The following MYRIP variants were observed in gnomAD, a reference collection of about 807,000 sequenced individuals.
MYRIP encodes rab effector MyRIP.
MYRIP carries 49 observed loss-of-function variants against 98.0 expected under a neutral mutation model. That is an observed-to-expected ratio of 0.50 (90% CI 0.40 to 0.63). MYRIP has a LOEUF of 0.63. Among genes scored for constraint, MYRIP ranks in the 30% least tolerant of loss-of-function variants. MYRIP has a pLI of 0.00. For missense variants in MYRIP, 1,004 were observed against 1,058.2 expected (o/e 0.95, Z 0.71); for synonymous variants, 404 against 409.5 (o/e 0.99, Z 0.16).
At chr3:39,834,434 T>C (rs1209386670) in intron 1 of MYRIP, among the ~76,000 whole-genome samples, 2 of 152,194 alleles carry the variant, frequency 1.3e-5, no homozygotes, top group Non-Finnish European at 2.9e-5. Context: ...TCGATGTAAC[T>C]ATAAATAATG....
chr3:39,863,835 C>CACAACA (rs112996698), intron 1 of MYRIP, among the ~76,000 whole-genome samples: 1 of 151,714 alleles, frequency 6.6e-6, no homozygotes, highest in African/African-American at 2.4e-5. Flanking sequence ...CCAGCAGGGA[C>CACAACA]ACAACAACAA....
intron 2 of MYRIP, among the ~76,000 whole-genome samples, chr3:39,959,635 T>C (rs542940144): frequency 1.0e-3 from 153 of 151,278 alleles, no homozygotes; most frequent in Non-Finnish European, 1.4e-3. Flanking sequence ...AACAAACCTG[T>C]ACATTGTGCA....
intron 2 of MYRIP, among the ~76,000 whole-genome samples, chr3:39,974,220 T>A (rs1468967714): frequency 6.6e-6 from 1 of 151,974 alleles, no homozygotes; most frequent in African/African-American, 2.4e-5. Context: ...AAAGGGGATA[T>A]CACCACCGAT....
rs556936058 is a variant in MYRIP at position 40,074,546 on chromosome 3, G to T, written c.332+30275G>T. Among the ~76,000 whole-genome samples, 7 of 152,180 alleles carry T rather than the reference G, an allele frequency of 4.6e-5. No homozygotes were observed. The South Asian group carries it at 1.5e-3, about 32-fold the overall frequency. ...TACTAATATAAAAGAAGAACGAAAA[G>T]TGAACTAAGCCTCTAACTTAGTAAC... On this transcript the variant is annotated intron_variant, in intron 3 of 16. Transcript: ENST00000302541.
At chr3:40,061,311 A>G (rs1948009553) in intron 3 of MYRIP, among the ~76,000 whole-genome samples, 1 of 151,978 alleles carries the variant, frequency 6.6e-6, no homozygotes, top group Non-Finnish European at 1.5e-5. Context: ...TTTAGCTTCC[A>G]CCTATAAGTG....
intron 2 of MYRIP, among the ~76,000 whole-genome samples, chr3:39,981,514 G>T (rs755102830): frequency 7.9e-5 from 12 of 152,064 alleles, no homozygotes; most frequent in Non-Finnish European, 8.8e-5. Flanking sequence ...ATATGGGGAG[G>T]TCATCAAAAT....
At chr3:40,138,069 A>C (rs994856803) in intron 3 of MYRIP, among the ~76,000 whole-genome samples, 3 of 152,214 alleles carry the variant, frequency 2.0e-5, no homozygotes, top group African/African-American at 7.2e-5. Flanking sequence ...AATGGAGCAA[A>C]GTGGAAAGAC....
At chr3:39,831,642 A>C (rs1224494515) in intron 1 of MYRIP, among the ~76,000 whole-genome samples, 2 of 152,208 alleles carry the variant, frequency 1.3e-5, no homozygotes, top group Non-Finnish European at 2.9e-5. Flanking sequence ...TACTTGATTT[A>C]TATCTATATT....
chr3:40,255,461 T>A (rs1410512700), intron 16 of MYRIP, among the ~76,000 whole-genome samples: 1 of 152,188 alleles, frequency 6.6e-6, no homozygotes, highest in Non-Finnish European at 1.5e-5. Flanking sequence ...CCTCAATATG[T>A]TTTTTAAATA....
At chr3:39,942,759 C>A (rs377595073) in intron 2 of MYRIP, among the ~76,000 whole-genome samples, 8 of 152,156 alleles carry the variant, frequency 5.3e-5, no homozygotes, top group African/African-American at 1.9e-4. Context: ...CTGTCTTTTT[C>A]TGTCTACCTG....
intron 1 of MYRIP, among the ~76,000 whole-genome samples, chr3:39,842,359 C>T (rs978511733): frequency 2.0e-4 from 30 of 152,158 alleles, no homozygotes; most frequent in Non-Finnish European, 4.0e-4. Context: ...GTGCTGGCAG[C>T]GAGAATTTCA....
At chr3:39,994,179 CGGACAGTGGGTGCA>C (rs1370400705) in intron 2 of MYRIP, among the ~76,000 whole-genome samples, 5 of 152,170 alleles carry the variant, frequency 3.3e-5, no homozygotes, top group Admixed American at 1.3e-4. Flanking sequence ...TGGGGAGTGT[CGGACAGTGGGTGCA>C]GGACAGTGGG....
intron 12 of MYRIP, among the ~76,000 whole-genome samples, chr3:40,238,904 T>C (rs1952906654): frequency 6.6e-6 from 1 of 152,170 alleles, no homozygotes. Context: ...TTTTTTTATT[T>C]TTATTTTTAT....
At chr3:40,142,787 G>A (rs1379721104) in intron 3 of MYRIP, among the ~76,000 whole-genome samples, 2 of 152,170 alleles carry the variant, frequency 1.3e-5, no homozygotes, top group Non-Finnish European at 2.9e-5. Context: ...AAATAAGTCA[G>A]GGAAATCAAG....
chr3:39,949,846 C>T (rs1298799496), intron 2 of MYRIP, among the ~76,000 whole-genome samples: 2 of 152,132 alleles, frequency 1.3e-5, no homozygotes, highest in African/African-American at 4.8e-5. Flanking sequence ...TTTTATCTAT[C>T]TCCTGTCTTG....
chr3:39,880,755 TA>T (rs1235788931), intron 1 of MYRIP, among the ~76,000 whole-genome samples: 1 of 152,198 alleles, frequency 6.6e-6, no homozygotes, highest in African/African-American at 2.4e-5. Flanking sequence ...CAATAAATGG[TA>T]GCACATTTTG....
At chr3:39,936,209 T>C (rs6805751) in intron 2 of MYRIP, among the ~76,000 whole-genome samples, 1 of 151,776 alleles carries the variant, frequency 6.6e-6, no homozygotes, top group Non-Finnish European at 1.5e-5. Context: ...GTATACAGAG[T>C]GTTGGAAGTG....
intron 1 of MYRIP, among the ~76,000 whole-genome samples, chr3:39,890,703 A>AT (rs1449363959): frequency 6.0e-5 from 9 of 149,580 alleles, no homozygotes; most frequent in Admixed American, 1.3e-4. Context: ...AGAAAGGAGT[A>AT]TTTTTTGTTT....
At chr3:40,202,828 AC>A (rs1411701094) in intron 10 of MYRIP, among the ~76,000 whole-genome samples, 1 of 152,102 alleles carries the variant, frequency 6.6e-6, no homozygotes, top group African/African-American at 2.4e-5. Context: ...GTGCACCCAA[AC>A]AGTGTGCTCA....
Sources: gnomAD v4.1 joint callset for allele counts (sites outside exome capture counted in the v4.1 genomes callset) on GRCh38, gnomAD v4.1.1 for gene constraint, MANE v1.5 for transcripts, NCBI Gene and HGNC (gene_info 2026-07-23, HGNC 2026-07-21) for gene names.